HTR2C: variants seen among roughly 807,000 people sequenced by gnomAD.
The protein encoded by HTR2C is 5-hydroxytryptamine receptor 2C, also known as 5-hydroxytryptamine (serotonin) receptor 2C, G protein-coupled.
Under a neutral mutation model 21.0 loss-of-function variants are expected in HTR2C, and 5 were observed. That is an observed-to-expected ratio of 0.24 (90% CI 0.12 to 0.50). The LOEUF is 0.50. HTR2C is among the 20% of genes least tolerant of loss of function. HTR2C has a pLI of 0.98. For synonymous variants in HTR2C, 150 were observed against 145.3 expected (o/e 1.03, Z -0.23); for missense variants, 271 against 371.2 (o/e 0.73, Z 2.22).
At chrX:114,722,528 C>G (rs1933262508) in intron 2 of HTR2C, among the ~76,000 whole-genome samples, 1 of 110,882 alleles carries the variant, frequency 9.0e-6, no homozygotes, top group African/African-American at 3.3e-5. Flanking sequence ...CCTGATCGCC[C>G]TGGCCAGCAC....
chrX:114,585,049 G>A (rs1228449433), intron 1 of HTR2C, among the ~76,000 whole-genome samples: 3 of 109,647 alleles, frequency 2.7e-5, no homozygotes, highest in African/African-American at 1.0e-4. Flanking sequence ...ATGTCGCTGA[G>A]TAGAGGGTCG....
At chrX:114,787,563 G>A (rs868906732) in intron 4 of HTR2C, among the ~76,000 whole-genome samples, 5 of 111,627 alleles carry the variant, frequency 4.5e-5, no homozygotes, top group Middle Eastern at 9.2e-3. Context: ...AATATAAAAC[G>A]GCCATTCAGT....
intron 5 of HTR2C, among the ~76,000 whole-genome samples, chrX:114,887,524 C>T (rs1556481914): frequency 9.0e-6 from 1 of 111,138 alleles, no homozygotes; most frequent in Non-Finnish European, 1.9e-5. Context: ...GGGTCACTTG[C>T]CTTCAGCTCA....
At chrX:114,817,287 T>A (rs782702879) in intron 4 of HTR2C, among the ~76,000 whole-genome samples, 30 of 111,780 alleles carry the variant, frequency 2.7e-4, no homozygotes, top group African/African-American at 9.4e-4. Context: ...TACTCTAAAT[T>A]AGTAATATGC....
At chrX:114,597,351 A>AAAC (rs1216996715) in intron 1 of HTR2C, among the ~76,000 whole-genome samples, 10 of 112,040 alleles carry the variant, frequency 8.9e-5, no homozygotes, top group African/African-American at 3.2e-4. Context: ...AGGATTTAGC[A>AAAC]AACATTTTAC....
intron 2 of HTR2C, chrX:114,715,414 A>G (rs1400332127): frequency 3.3e-5 from 10 of 305,426 alleles, no homozygotes; most frequent in Middle Eastern, 5.8e-4. Context: ...ATCTAATGAA[A>G]TGGGAAGTAG....
chrX:114,737,809 C>T, intron 4 of HTR2C, among the ~76,000 whole-genome samples: 1 of 111,633 alleles, frequency 9.0e-6, no homozygotes, highest in Non-Finnish European at 1.9e-5. Context: ...ATCAAGGAAA[C>T]TTGCACAAAA....
intron 4 of HTR2C, among the ~76,000 whole-genome samples, chrX:114,806,019 A>G (rs2070422459): frequency 1.0e-5 from 1 of 97,996 alleles, no homozygotes; most frequent in Non-Finnish European, 2.0e-5. Context: ...TACCATATCT[A>G]TACACCATAT....
intron 4 of HTR2C, among the ~76,000 whole-genome samples, chrX:114,741,613 T>TAA (rs781999515): frequency 7.5e-4 from 53 of 70,273 alleles, no homozygotes; most frequent in African/African-American, 2.6e-3. Flanking sequence ...ATGGAAACAT[T>TAA]AAAAAAAAAA....
chrX:114,718,167 G>A lies in HTR2C; in HGVS notation c.-79-8691G>A, dbSNP rs28661504. On this transcript the variant is annotated intron_variant, in intron 2 of 5. Transcript: ENST00000276198. ...TCCCCAAGCCCACCCCACAGTAGCT[G>A]GGACTACAGGCCCGCACCATCACAT... Among the ~76,000 whole-genome samples the A allele has an allele frequency of 9.6e-3, 1,069 of 111,260 alleles. 11 individuals are homozygous for A. Among genetic ancestry groups the A allele is most frequent in the African/African-American group, 0.033 (1,003 of 30,603 alleles).
At chrX:114,849,659 A>G (rs1373777277) in intron 5 of HTR2C, among the ~76,000 whole-genome samples, 4 of 112,029 alleles carry the variant, frequency 3.6e-5, no homozygotes, top group African/African-American at 6.5e-5. Context: ...ATAAGGATCG[A>G]CCAGGATTAA....
intron 2 of HTR2C, among the ~76,000 whole-genome samples, chrX:114,626,847 A>C (rs1265913792): frequency 8.9e-6 from 1 of 111,952 alleles, no homozygotes; most frequent in East Asian, 2.8e-4. Flanking sequence ...CTGTGAGAAG[A>C]GATGTTCACT....
chrX:114,861,450 A>T (rs2071005518), intron 5 of HTR2C, among the ~76,000 whole-genome samples: 2 of 111,113 alleles, frequency 1.8e-5, no homozygotes, highest in South Asian at 7.4e-4. Context: ...GATTGTTTCC[A>T]TATCTTAGCT....
intron 2 of HTR2C, among the ~76,000 whole-genome samples, chrX:114,659,190 A>G (rs1423355252): frequency 9.0e-6 from 1 of 111,201 alleles, no homozygotes; most frequent in Non-Finnish European, 1.9e-5. Context: ...GGGGGTAACT[A>G]CCCCTATGAT....
chrX:114,784,744 C>A (rs1387147764), intron 4 of HTR2C, among the ~76,000 whole-genome samples: 1 of 109,459 alleles, frequency 9.1e-6, no homozygotes, highest in African/African-American at 3.3e-5. Context: ...CTCAGCCTCC[C>A]GAGTATCTGG....
At position 114,903,142 on chromosome X, in the gene HTR2C, A is replaced by AT. The variant is rs1164048813; in HGVS notation, c.551-3438dup. Among the ~76,000 whole-genome samples, 23 of 110,016 alleles carry AT rather than the reference A, an allele frequency of 2.1e-4. No individual in the cohort carries two copies. In the East Asian group the frequency reaches 4.0e-3, roughly 19 times the overall value. On this transcript the variant is annotated intron_variant, in intron 5 of 5. Coordinates refer to ENST00000276198, the MANE Select transcript of HTR2C (RefSeq NM_000868.4). ...TGAGAACTGCTGACACTTACCTTTT[A>AT]TTTTTTTTTAAAGTATTGAATAAGA...
At chrX:114,836,472 GGT>G (rs1556463967) in intron 4 of HTR2C, among the ~76,000 whole-genome samples, 1 of 112,313 alleles carries the variant, frequency 8.9e-6, no homozygotes, top group African/African-American at 3.2e-5. Flanking sequence ...CGATTTTCCA[GGT>G]GTGTCTGTCA....
At chrX:114,884,302 T>C (rs1205320858) in intron 5 of HTR2C, among the ~76,000 whole-genome samples, 1 of 110,940 alleles carries the variant, frequency 9.0e-6, no homozygotes, top group African/African-American at 3.3e-5. Context: ...AGTAGTAGGA[T>C]TGCTGGATTA....
intron 4 of HTR2C, among the ~76,000 whole-genome samples, chrX:114,792,431 C>T (rs1459226836): frequency 9.0e-6 from 1 of 111,410 alleles, no homozygotes; most frequent in African/African-American, 3.3e-5. Flanking sequence ...TCATCCATGT[C>T]CCTGCAAAGG....
Sources: gnomAD v4.1 joint callset for allele counts (sites outside exome capture counted in the v4.1 genomes callset) on GRCh38, gnomAD v4.1.1 for gene constraint, MANE v1.5 for transcripts, NCBI Gene and HGNC (gene_info 2026-07-23, HGNC 2026-07-21) for gene names.